Variants in JMJD1C observed in about 807,000 individuals in gnomAD.
The protein encoded by JMJD1C is jumonji domain containing 1C.
JMJD1C carries 31 observed loss-of-function variants against 245.3 expected under a neutral mutation model. The observed-to-expected ratio is 0.13, with a 90% confidence interval of 0.09 to 0.17. JMJD1C has a LOEUF of 0.17. Among genes scored for constraint, JMJD1C ranks in the 10% least tolerant of loss-of-function variants. The pLI is 1.00. For missense variants in JMJD1C, 2,691 were observed against 3,000.2 expected, an observed-to-expected ratio of 0.90 and a Z score of 2.41; for synonymous variants, 1,057 against 1,017.4, an observed-to-expected ratio of 1.04 and a Z score of -0.74.
chr10:63,326,760 T>G (rs1408479579), intron 2 of JMJD1C, among the ~76,000 whole-genome samples: 1 of 152,166 alleles, frequency 6.6e-6, no homozygotes, highest in Non-Finnish European at 1.5e-5. Flanking sequence ...GTGCCTATAA[T>G]CTCAGCTAAT....
intron 1 of JMJD1C, among the ~76,000 whole-genome samples, chr10:63,399,141 C>T (rs770553667): frequency 6.6e-6 from 1 of 152,132 alleles, no homozygotes; most frequent in African/African-American, 2.4e-5. Context: ...AAATGTGATA[C>T]GTATCAAATC....
intron 1 of JMJD1C, among the ~76,000 whole-genome samples, chr10:63,425,719 T>G (rs1347059708): frequency 1.3e-5 from 2 of 152,030 alleles, no homozygotes; most frequent in African/African-American, 4.8e-5. Flanking sequence ...GAGGAGAAGG[T>G]GGCAGTGAGC....
At chr10:63,422,959 T>A (rs1950210192) in intron 1 of JMJD1C, among the ~76,000 whole-genome samples, 1 of 89,118 alleles carries the variant, frequency 1.1e-5, no homozygotes, top group South Asian at 3.2e-4. Flanking sequence ...TACCAAAACT[T>A]TTTTTTTTTC....
At chr10:63,300,086 AC>A (rs145572674) in intron 2 of JMJD1C, among the ~76,000 whole-genome samples, 20,631 of 152,098 alleles carry the variant, frequency 0.14, 3,234 homozygotes, top group African/African-American at 0.38. Flanking sequence ...GCATTAAACA[AC>A]CACACTACTT....
intron 2 of JMJD1C, among the ~76,000 whole-genome samples, chr10:63,308,609 G>GGA (rs1938633886): frequency 7.7e-6 from 1 of 129,772 alleles, no homozygotes; most frequent in Non-Finnish European, 1.6e-5. Flanking sequence ...GCTGCTATAG[G>GGA]AAAAAAAAAA....
At chr10:63,299,035 T>C (rs1204335225) in intron 2 of JMJD1C, among the ~76,000 whole-genome samples, 1 of 151,996 alleles carries the variant, frequency 6.6e-6, no homozygotes, top group Non-Finnish European at 1.5e-5. Context: ...CTGGCCTTCA[T>C]TCTAATCTTT....
In JMJD1C at chr10:63,209,045, A is replaced by C. The variant is rs1045303830; in HGVS notation, c.2867+18T>G. The C allele has an allele frequency of 1.3e-6, 2 of 1,569,094 alleles. No individual in the cohort carries two copies. ...TATGAACAAGGTATTTATAATTTTT[A>C]AGCACTGGTGAACTTACTCCTTATG... On this transcript the variant is annotated intron_variant, in intron 9 of 25. Coordinates refer to ENST00000399262, the MANE Select transcript of JMJD1C (RefSeq NM_032776.3).
chr10:63,445,862 A>ATTTTTTT (rs56316223), intron 1 of JMJD1C, among the ~76,000 whole-genome samples: 1 of 75,714 alleles, frequency 1.3e-5, no homozygotes, highest in Non-Finnish European at 2.2e-5. Flanking sequence ...TGGGATCTGA[A>ATTTTTTT]TTTTTTTTTT....
intron 3 of JMJD1C, among the ~76,000 whole-genome samples, chr10:63,227,901 C>T (rs143495133): frequency 1.2e-3 from 183 of 152,262 alleles, no homozygotes; most frequent in Non-Finnish European, 1.9e-3. Context: ...ACAAGAGTGA[C>T]ATTAATTTTT....
chr10:63,426,692 A>G (rs1488102005), intron 1 of JMJD1C, among the ~76,000 whole-genome samples: 1 of 152,132 alleles, frequency 6.6e-6, no homozygotes, highest in East Asian at 1.9e-4. Context: ...CATCCCCAAC[A>G]CATACCTTAG....
chr10:63,428,160 A>C (rs1370355606), intron 1 of JMJD1C, among the ~76,000 whole-genome samples: 1 of 152,238 alleles, frequency 6.6e-6, no homozygotes, highest in East Asian at 1.9e-4. Flanking sequence ...TAAAAAAACA[A>C]GTCACCTTAA....
Position 63,492,523 on chromosome 10 carries a change from G to GGGCGTGGT in JMJD1C, n.113+29207_113+29214dup, listed in dbSNP as rs879426594. On this transcript the variant is annotated intron_variant and non_coding_transcript_variant, in intron 1 of 3. Coordinates refer to the JMJD1C transcript ENST00000633035. ...TCTAATAAAAATACAAAAATTAGCTGGGCGTGGTGGCGTGGTGGCGTGGGC... is the reference window on the plus strand; with the variant it reads ...TCTAATAAAAATACAAAAATTAGCTGGGCGTGGTGGCGTGGTGGCGTGGTGGCGTGGGC... 1.2e-4 allele frequency among the ~76,000 whole-genome samples: 18 copies of GGGCGTGGT among 152,012 alleles called. No homozygotes were observed. In the South Asian group the frequency reaches 1.7e-3, roughly 14 times the overall value.
In JMJD1C at chr10:63,284,904, CACAT is replaced by C. The variant is rs1459761868; in HGVS notation, c.334-20144_334-20141del. On this transcript the variant is annotated intron_variant, in intron 2 of 25. Transcript: ENST00000399262. Reference sequence around the variant, plus strand: ...ACACACACACACACACACACACACACACATTCTCTCTACTCGCTGTCTCTCACAC... The same window carrying C: ...ACACACACACACACACACACACACACTCTCTCTACTCGCTGTCTCTCACAC... 7.4e-4 allele frequency among the ~76,000 whole-genome samples: 85 copies of C among 114,132 alleles called. 1 individual carries two copies. The East Asian group carries it at 9.9e-3, about 13-fold the overall frequency. 74.9% of individuals were successfully genotyped at this position (114,132 alleles called of 152,430 possible).
intron 1 of JMJD1C, among the ~76,000 whole-genome samples, chr10:63,513,837 C>T (rs891372330): frequency 3.9e-5 from 6 of 152,018 alleles, no homozygotes; most frequent in African/African-American, 1.2e-4. Context: ...GGCGTGAACC[C>T]GGGAGGTGGA....
chr10:63,294,753 C>T (rs574165797), intron 2 of JMJD1C, among the ~76,000 whole-genome samples: 70 of 152,292 alleles, frequency 4.6e-4, no homozygotes, highest in African/African-American at 1.6e-3. Context: ...ATGTATCTGT[C>T]TCCACAAAAC....
At chr10:63,263,235 A>G (rs1855023266) in intron 3 of JMJD1C, among the ~76,000 whole-genome samples, 1 of 152,256 alleles carries the variant, frequency 6.6e-6, no homozygotes, top group African/African-American at 2.4e-5. Context: ...ATACAAAAAA[A>G]CTAGGTCCTT....
At chr10:63,434,107 A>G (rs181116086) in intron 1 of JMJD1C, among the ~76,000 whole-genome samples, 293 of 152,254 alleles carry the variant, frequency 1.9e-3, no homozygotes, top group Non-Finnish European at 2.1e-3. Flanking sequence ...ACACTTCTAC[A>G]AGCCAGTATT....
chr10:63,380,984 T>C (rs2134505565), intron 1 of JMJD1C, among the ~76,000 whole-genome samples: 1 of 152,358 alleles, frequency 6.6e-6, no homozygotes, highest in South Asian at 2.1e-4. Context: ...ATTGCAACAC[T>C]ATTCCTAAGA....
intron 1 of JMJD1C, among the ~76,000 whole-genome samples, chr10:63,458,544 C>G (rs1176542642): frequency 6.6e-6 from 1 of 151,408 alleles, no homozygotes; most frequent in Admixed American, 6.6e-5. Context: ...ATTAGGCAGA[C>G]ATATGATCAC....
Sources: gnomAD v4.1 joint callset for allele counts (sites outside exome capture counted in the v4.1 genomes callset) on GRCh38, gnomAD v4.1.1 for gene constraint, MANE v1.5 for transcripts, NCBI Gene and HGNC (gene_info 2026-07-23, HGNC 2026-07-21) for gene names.